KYNU: variants seen among roughly 807,000 people sequenced by gnomAD.
KYNU encodes L-kynurenine hydrolase.
A neutral mutation model predicts 59.2 loss-of-function variants in KYNU; 54 were observed. That is an observed-to-expected ratio of 0.91 (90% CI 0.73 to 1.14). The LOEUF (loss-of-function observed/expected upper bound fraction) is 1.14, where lower values mean the gene tolerates loss of function less well. Among genes scored for constraint, KYNU ranks in the 50% most tolerant of loss-of-function variants. KYNU has a pLI of 0.00. For missense variants in KYNU, 567 were observed against 554.4 expected (o/e 1.02, Z -0.23); for synonymous variants, 177 against 192.0 (o/e 0.92, Z 0.65).
chr2:142,895,644 G>T (rs917018642), intron 2 of KYNU, among the ~76,000 whole-genome samples: 2 of 151,954 alleles, frequency 1.3e-5, no homozygotes, highest in Admixed American at 1.3e-4. Context: ...TTTAAGATCA[G>T]ATAGTAAATA....
At chr2:142,910,762 A>G (rs1462707119) in intron 2 of KYNU, among the ~76,000 whole-genome samples, 1 of 152,206 alleles carries the variant, frequency 6.6e-6, no homozygotes, top group Non-Finnish European at 1.5e-5. Flanking sequence ...GGTGAAAGGT[A>G]GGGGTCCAGT....
At chr2:142,912,433 G>T (rs1418266348) in intron 2 of KYNU, among the ~76,000 whole-genome samples, 3 of 137,618 alleles carry the variant, frequency 2.2e-5, no homozygotes, top group Non-Finnish European at 1.5e-5. Flanking sequence ...AGGCTGGAGT[G>T]CAATGGTGCG....
intron 11 of KYNU, among the ~76,000 whole-genome samples, chr2:143,031,843 G>T (rs1009975329): frequency 1.3e-5 from 2 of 152,168 alleles, no homozygotes; most frequent in African/African-American, 4.8e-5. Flanking sequence ...GAAAAGGAAA[G>T]AATTTTAATT....
chr2:142,891,865 GA>G (rs1681723505), intron 2 of KYNU, among the ~76,000 whole-genome samples: 1 of 151,842 alleles, frequency 6.6e-6, no homozygotes, highest in East Asian at 1.9e-4. Context: ...ACTTTCATAA[GA>G]AAACAATTAA....
rs970026444 is a variant in KYNU, at chr2:143,010,788, C to A, written c.903-18839C>A. 1.4e-3 allele frequency among the ~76,000 whole-genome samples: 197 copies of A among 145,660 alleles called. 2 individuals carry two copies. The highest frequency in any genetic ancestry group is 4.9e-3 in the African/African-American group (190 of 38,754). ...CTACAACTATCTGATCTTTGACAAA[C>A]CTGAGAAAAACAAGCAATGGGGAAA... On this transcript the variant is annotated intron_variant, in intron 10 of 13. Transcript: ENST00000264170.
At chr2:142,883,730 C>G (rs1427587930) in intron 1 of KYNU, among the ~76,000 whole-genome samples, 1 of 152,158 alleles carries the variant, frequency 6.6e-6, no homozygotes, top group Admixed American at 6.5e-5. Flanking sequence ...TAAGGTAGCT[C>G]TTCCACACTC....
chr2:142,921,296 T>C (rs1481121575), intron 3 of KYNU, among the ~76,000 whole-genome samples: 1 of 152,226 alleles, frequency 6.6e-6, no homozygotes, highest in Admixed American at 6.5e-5. Context: ...GCTGAATTTG[T>C]ACCTCCAGGT....
chr2:142,934,744 C>T (rs1683329395), intron 4 of KYNU, among the ~76,000 whole-genome samples: 1 of 152,212 alleles, frequency 6.6e-6, no homozygotes, highest in South Asian at 2.1e-4. Context: ...AGGGCACCGT[C>T]ACTCTTCAGT....
intron 3 of KYNU, among the ~76,000 whole-genome samples, chr2:142,919,755 G>A (rs191365118): frequency 4.6e-5 from 7 of 152,118 alleles, no homozygotes; most frequent in Admixed American, 2.6e-4. Context: ...CCAACGTGGC[G>A]AAACCTCACC....
chr2:143,029,748 A>T (rs1686690442), intron 11 of KYNU, 69 bp downstream of exon 11: 1 of 926,394 alleles, frequency 1.1e-6, no homozygotes, highest in Non-Finnish European at 1.8e-6. Flanking sequence ...CTGTCTTTGT[A>T]TTATGTGTAA....
At chr2:142,948,127 T>G (rs1192548237) in intron 4 of KYNU, 1 of 152,274 alleles carries the variant, frequency 6.6e-6, no homozygotes, top group East Asian at 1.9e-4. Flanking sequence ...GTGGCACTGC[T>G]GCACCCTGGT....
intron 8 of KYNU, among the ~76,000 whole-genome samples, chr2:142,974,380 G>T (rs1684826508): frequency 6.6e-6 from 1 of 152,210 alleles, no homozygotes; most frequent in Non-Finnish European, 1.5e-5. Context: ...GGTGAACGTA[G>T]AGTAGGATTT....
At chr2:142,981,261 G>C (rs1685043837) in intron 8 of KYNU, among the ~76,000 whole-genome samples, 1 of 152,040 alleles carries the variant, frequency 6.6e-6, no homozygotes, top group African/African-American at 2.4e-5. Flanking sequence ...TGAAAGTGCT[G>C]CTTTTTCTAT....
At chr2:143,013,559 G>A (rs760463766) in intron 10 of KYNU, among the ~76,000 whole-genome samples, 2 of 152,014 alleles carry the variant, frequency 1.3e-5, no homozygotes, top group Non-Finnish European at 2.9e-5. Context: ...ATGTTATCAG[G>A]TCTTGAATTT....
chr2:142,979,375 A>T (rs1490899709), intron 8 of KYNU, among the ~76,000 whole-genome samples: 1 of 152,074 alleles, frequency 6.6e-6, no homozygotes, highest in Non-Finnish European at 1.5e-5. Flanking sequence ...TTATTTTTTT[A>T]TTCAACAATT....
rs150212835 is a variant in KYNU at position 143,006,079 on chromosome 2, C to T, written c.902+20058C>T. Among the ~76,000 whole-genome samples the T allele has an allele frequency of 5.4e-3, 823 of 152,258 alleles. 5 individuals carry two copies. The highest frequency in any genetic ancestry group is 0.019 in the African/African-American group (774 of 41,566). On this transcript the variant is annotated intron_variant, in intron 10 of 13. Transcript: ENST00000264170. Reference sequence around the variant, plus strand: ...CAAGATGGCCGAATAGGAACAGCTCCGGTCTACAGCTCCCAGCATGAGCAA... The same window carrying T: ...CAAGATGGCCGAATAGGAACAGCTCTGGTCTACAGCTCCCAGCATGAGCAA...
At chr2:143,006,157 A>T (rs886595671) in intron 10 of KYNU, among the ~76,000 whole-genome samples, 3 of 152,044 alleles carry the variant, frequency 2.0e-5, no homozygotes, top group Non-Finnish European at 2.9e-5. Flanking sequence ...GGTTCATCTC[A>T]CTAGGGAGTG....
At chr2:142,979,507 GTTATCT>G (rs1410902502) in intron 8 of KYNU, among the ~76,000 whole-genome samples, 1 of 152,138 alleles carries the variant, frequency 6.6e-6, no homozygotes, top group South Asian at 2.1e-4. Flanking sequence ...TTCACTCAAA[GTTATCT>G]GGTGATCAAA....
chr2:143,017,434 C>CTTTTTTCTTT (rs1558977527), intron 10 of KYNU, among the ~76,000 whole-genome samples: 1 of 68,450 alleles, frequency 1.5e-5, no homozygotes, highest in Non-Finnish European at 2.6e-5. Context: ...TCTCTTTTTT[C>CTTTTTTCTTT]TTTTTTTTTT....
Sources: gnomAD v4.1 joint callset for allele counts (sites outside exome capture counted in the v4.1 genomes callset) on GRCh38, gnomAD v4.1.1 for gene constraint, MANE v1.5 for transcripts, NCBI Gene and HGNC (gene_info 2026-07-23, HGNC 2026-07-21) for gene names.